Variants in PDIA6 observed in about 807,000 individuals in gnomAD.
The protein encoded by PDIA6 is protein disulfide-isomerase A6.
In PDIA6, 29 loss-of-function variants were observed where a neutral mutation model predicts 58.4. The ratio of observed to expected loss-of-function variants is 0.50; its 90% CI spans 0.37 to 0.68. The LOEUF is 0.68. Among genes scored for constraint, PDIA6 ranks in the 30% least tolerant of loss-of-function variants. The pLI is 0.00. For synonymous variants in PDIA6, 192 were observed against 202.6 expected (o/e 0.95, Z 0.44); for missense variants, 480 against 551.0 (o/e 0.87, Z 1.29).
intron 1 of PDIA6, among the ~76,000 whole-genome samples, chr2:10,808,808 G>A (rs1354337319): frequency 6.6e-6 from 1 of 152,160 alleles, no homozygotes; most frequent in African/African-American, 2.4e-5. Context: ...ACTTAATGGA[G>A]GGAAAAATGT....
At chr2:10,825,604 A>G (rs1667532682) in intron 1 of PDIA6, among the ~76,000 whole-genome samples, 1 of 152,248 alleles carries the variant, frequency 6.6e-6, no homozygotes. Flanking sequence ...TCTAGAATGT[A>G]TAAGGAATGA....
intron 1 of PDIA6, chr2:10,821,132 A>G: frequency 2.7e-6 from 1 of 370,540 alleles, no homozygotes; most frequent in Non-Finnish European, 5.0e-6. Flanking sequence ...AATATTGCCC[A>G]TCCTTTATGG....
intron 10 of PDIA6, 150 bp from the exon 11 acceptor site, chr2:10,787,589 C>A: frequency 1.3e-6 from 1 of 787,400 alleles, no homozygotes; most frequent in Non-Finnish European, 1.9e-6. Flanking sequence ...TGGATTTTCC[C>A]TTTTTACCTG....
chr2:10,837,652 G>T lies in PDIA6; in HGVS notation c.-47C>A, dbSNP rs1443918007. 2.8e-5 allele frequency: 40 copies of T among 1,421,544 alleles called. No individual in the cohort carries two copies. The East Asian group carries it at 8.7e-4, about 31-fold the overall frequency. The allele number at this position is 1,421,544 out of a possible 1,614,324, so 88.1% of individuals were successfully genotyped here. On this transcript the variant is annotated 5_prime_UTR_variant, in exon 1 of 14. Transcript: ENST00000404824. ...GCACAGAATTGCAGCTTGTTCAGGGGCTCCAAGCTTCTAGGTGGCAGAGCT... is the reference window on the plus strand; with the variant it reads ...GCACAGAATTGCAGCTTGTTCAGGGTCTCCAAGCTTCTAGGTGGCAGAGCT...
intron 1 of PDIA6, 99 bp downstream of exon 1, chr2:10,812,579 G>T: frequency 7.9e-7 from 1 of 1,261,080 alleles, no homozygotes. Flanking sequence ...CCCACTTCCG[G>T]CCGCCTGCGG....
At chr2:10,812,590 C>A in intron 1 of PDIA6, 88 bp downstream of exon 1, 1 of 1,331,718 alleles carries the variant, frequency 7.5e-7, no homozygotes, top group Non-Finnish European at 9.9e-7. Flanking sequence ...CCGCCTGCGG[C>A]CGCGGCCCGC....
At chr2:10,819,481 C>A (rs141847337) in intron 1 of PDIA6, 1 of 612,148 alleles carries the variant, frequency 1.6e-6, no homozygotes, top group Non-Finnish European at 2.9e-6. Context: ...TGTTAATCAA[C>A]GAAAAGTTAT....
chr2:10,821,041 A>T (rs968444090), intron 1 of PDIA6: 1 of 537,154 alleles, frequency 1.9e-6, no homozygotes, highest in East Asian at 3.1e-5. Context: ...CAGTGAGGAG[A>T]TGGCCACAGA....
chr2:10,796,060 CTTTTTTTTT>C (rs78611007), intron 4 of PDIA6, among the ~76,000 whole-genome samples: 41 of 144,148 alleles, frequency 2.8e-4, no homozygotes, highest in African/African-American at 1.1e-3. Flanking sequence ...TTTGTGATAT[CTTTTTTTTT>C]TTTTTTTTTT....
In PDIA6 at chr2:10,783,499, G is replaced by A. The variant is rs1665524795; in HGVS notation, c.*759C>T. 5 of 420,024 alleles carry A rather than the reference G, an allele frequency of 1.2e-5. No homozygotes were observed. The highest frequency in any genetic ancestry group is 8.1e-5 in the Admixed American group (2 of 24,628). 26.0% of individuals were successfully genotyped at this position (420,024 alleles called of 1,614,324 possible). A position where few individuals can be genotyped will look rare whatever the true frequency, so the allele number is the denominator to read the frequency against. On this transcript the variant is annotated 3_prime_UTR_variant, in exon 13 of 13. Coordinates refer to ENST00000272227, the MANE Select transcript of PDIA6 (RefSeq NM_005742.4). ...TTTTCTGAATGTTTTACATAAATGC[G>A]AACTACCTGTTCGCATTGGTAACCT... is the stretch of plus-strand genomic sequence containing the variant.
upstream of PDIA6, among the ~76,000 whole-genome samples, chr2:10,836,624 C>T (rs1378603968): frequency 1.3e-5 from 2 of 150,502 alleles, no homozygotes; most frequent in Non-Finnish European, 1.5e-5. Flanking sequence ...TTGTTTTTAG[C>T]GTATTCACAA....
At chr2:10,798,857 G>A (rs1422617822) in intron 2 of PDIA6, among the ~76,000 whole-genome samples, 2 of 152,150 alleles carry the variant, frequency 1.3e-5, no homozygotes, top group African/African-American at 2.4e-5. Context: ...TGAAGTATCT[G>A]GCCCAGATCA....
At chr2:10,788,570 A>G in intron 10 of PDIA6, 127 bp downstream of exon 10, 1 of 576,268 alleles carries the variant, frequency 1.7e-6, no homozygotes, top group Admixed American at 2.8e-5. Context: ...GCAGGAGGGA[A>G]AAAAAAAAAA....
At chr2:10,821,252 C>G (rs111911534) in intron 1 of PDIA6, 2,761 of 184,858 alleles carry the variant, frequency 0.015, 92 homozygotes, top group African/African-American at 0.062. Flanking sequence ...CTTCCAGTCT[C>G]TACCGTTGCA....
chr2:10,785,153 T>C (rs1054456093), intron 11 of PDIA6, 123 bp from the exon 12 acceptor site: 5 of 675,304 alleles, frequency 7.4e-6, no homozygotes, highest in Non-Finnish European at 1.3e-5. Flanking sequence ...TCTTCTCTCT[T>C]GCTGCACTAC....
chr2:10,836,331 G>T (rs903605232), upstream of PDIA6, among the ~76,000 whole-genome samples: 2 of 152,128 alleles, frequency 1.3e-5, no homozygotes, highest in African/African-American at 4.8e-5. Flanking sequence ...TCTAGGATGG[G>T]TCTGGGGCTT....
chr2:10,812,869 T>C, upstream of PDIA6: 3 of 1,159,756 alleles, frequency 2.6e-6, no homozygotes, highest in Non-Finnish European at 3.2e-6. Flanking sequence ...TGCGGCTCAT[T>C]GGTCCGGGCG....
At chr2:10,813,151 C>T (rs541318303), upstream of PDIA6, among the ~76,000 whole-genome samples, 1 of 152,304 alleles carries the variant, frequency 6.6e-6, no homozygotes, top group Non-Finnish European at 1.5e-5. Context: ...CCTCTTTATC[C>T]CGGGGGAGCG....
intron 11 of PDIA6, among the ~76,000 whole-genome samples, chr2:10,786,520 GCACA>G (rs201693668): frequency 8.0e-6 from 1 of 124,804 alleles, no homozygotes; most frequent in Admixed American, 7.3e-5. Context: ...TCTCCACACA[GCACA>G]CACACACGTC....
Sources: gnomAD v4.1 joint callset for allele counts (sites outside exome capture counted in the v4.1 genomes callset) on GRCh38, gnomAD v4.1.1 for gene constraint, MANE v1.5 for transcripts, NCBI Gene and HGNC (gene_info 2026-07-23, HGNC 2026-07-21) for gene names.